MDFIC2: variants seen among roughly 807,000 people sequenced by gnomAD.
MDFIC2 encodes the protein MyoD family inhibitor domain containing 2.
intron 2 of MDFIC2, among the ~76,000 whole-genome samples, chr3:70,236,168 A>C (rs1206591073): frequency 6.6e-6 from 1 of 152,212 alleles, no homozygotes; most frequent in East Asian, 1.9e-4. Flanking sequence ...TCTCCTTCGC[A>C]TAGATGACTG....
chr3:70,249,518 A>C (rs1185189205), intron 2 of MDFIC2: 1 of 152,144 alleles, frequency 6.6e-6, no homozygotes, highest in Admixed American at 6.6e-5. Flanking sequence ...CTGATTAATC[A>C]TCCTTTCCCC....
chr3:70,209,392 C>T (rs928882952), intron 2 of MDFIC2, among the ~76,000 whole-genome samples: 5 of 152,096 alleles, frequency 3.3e-5, no homozygotes, highest in Admixed American at 6.6e-5. Context: ...CACACGAACA[C>T]ACACAGAGTG....
intron 2 of MDFIC2, among the ~76,000 whole-genome samples, chr3:70,298,490 A>T (rs1702313332): frequency 6.6e-6 from 1 of 152,148 alleles, no homozygotes; most frequent in Admixed American, 6.6e-5. Flanking sequence ...ATAAATATGA[A>T]TGAAGCAATA....
intron 2 of MDFIC2, among the ~76,000 whole-genome samples, chr3:70,306,404 C>A (rs1702400763): frequency 6.6e-6 from 1 of 152,188 alleles, no homozygotes; most frequent in Non-Finnish European, 1.5e-5. Context: ...AGCTACCTCA[C>A]CCGGCCAATA....
chr3:70,285,110 G>T (rs1276228193), intron 2 of MDFIC2, among the ~76,000 whole-genome samples: 9 of 149,488 alleles, frequency 6.0e-5, no homozygotes, highest in Non-Finnish European at 1.0e-4. Flanking sequence ...ACATTGTGCA[G>T]GTTAGTTACA....
rs1701156559 is a variant in MDFIC2, at chr3:70,194,523, G to T, written c.*2403C>A. On this transcript the variant is annotated 3_prime_UTR_variant, in exon 4 of 4. Transcript: ENST00000567252. The stretch of plus-strand genomic sequence containing the variant: ...GTTTTATTATTGGTTATAAAGAAAA[G>T]AAATTTCACACTTTGTATAACCGAC... 6.6e-6 allele frequency among the ~76,000 whole-genome samples: 1 copy of T among 152,172 alleles called. No homozygotes were observed. The highest frequency in any genetic ancestry group is 2.4e-5 in the African/African-American group (1 of 41,446).
intron 2 of MDFIC2, among the ~76,000 whole-genome samples, chr3:70,223,895 C>G (rs1346049452): frequency 6.6e-6 from 1 of 152,052 alleles, no homozygotes; most frequent in Non-Finnish European, 1.5e-5. Flanking sequence ...TCTTACTCTG[C>G]TTCATCAATC....
At chr3:70,306,982 T>A (rs888566981) in intron 2 of MDFIC2, among the ~76,000 whole-genome samples, 5 of 152,112 alleles carry the variant, frequency 3.3e-5, no homozygotes, top group African/African-American at 1.2e-4. Context: ...TGTGTATATA[T>A]TTATATATAT....
intron 3 of MDFIC2, among the ~76,000 whole-genome samples, chr3:70,199,123 G>A (rs1015450525): frequency 2.2e-4 from 34 of 152,154 alleles, no homozygotes; most frequent in African/African-American, 7.7e-4. Context: ...ATAAAAATGA[G>A]TCCACTGGAT....
intron 2 of MDFIC2, among the ~76,000 whole-genome samples, chr3:70,248,364 A>C (rs1199253797): frequency 6.6e-6 from 1 of 152,088 alleles, no homozygotes; most frequent in Admixed American, 6.6e-5. Context: ...TTTGAAAAGC[A>C]TGTTATATTG....
chr3:70,206,774 A>C lies in MDFIC2; in HGVS notation c.105T>G (p.Asn35Lys). ...SWLKEDTQLTNAKHADEKPIN... is the reference protein window; with the variant it reads ...SWLKEDTQLTKAKHADEKPIN... ...TGGGTTTCTCATCTGCATGCTTTGCATTCGTGAGTTGCGTATCTAGAGGAA... is the reference window on the plus strand; with the variant it reads ...TGGGTTTCTCATCTGCATGCTTTGCCTTCGTGAGTTGCGTATCTAGAGGAA... The change falls in exon 3 of 4, where the codon AAT (asparagine) becomes AAG (lysine). Residue 35 changes from asparagine (N) to lysine (K), a missense_variant. Coordinates refer to ENST00000567252, the MANE Select transcript of MDFIC2 (RefSeq NM_001364677.1). The C allele has an allele frequency of 2.5e-6, 1 of 397,710 alleles. No individual in the cohort carries two copies. Among genetic ancestry groups the C allele is most frequent in the Non-Finnish European group, 4.4e-6 (1 of 225,424 alleles). The allele number at this position is 397,710 out of a possible 1,614,324, so 24.6% of individuals were successfully genotyped here.
intron 2 of MDFIC2, among the ~76,000 whole-genome samples, chr3:70,218,705 G>C (rs1701436226): frequency 6.6e-6 from 1 of 152,034 alleles, no homozygotes; most frequent in Admixed American, 6.6e-5. Context: ...GCATATTTAT[G>C]TCACTTAAAG....
intron 2 of MDFIC2, among the ~76,000 whole-genome samples, chr3:70,215,267 G>A (rs1031566933): frequency 6.6e-6 from 1 of 152,070 alleles, no homozygotes; most frequent in Non-Finnish European, 1.5e-5. Flanking sequence ...CCGCTGGTAA[G>A]GGGCAGAGCT....
chr3:70,273,353 G>A (rs778823921), intron 2 of MDFIC2, among the ~76,000 whole-genome samples: 13 of 151,906 alleles, frequency 8.6e-5, no homozygotes, highest in South Asian at 2.1e-4. Flanking sequence ...TTTTTTCTTC[G>A]TAAAAATGAG....
rs149041863 is a variant in MDFIC2 at position 70,262,838 on chromosome 3, C to A, written c.88+49048G>T. 5.1e-3 allele frequency among the ~76,000 whole-genome samples: 782 copies of A among 152,188 alleles called. 2 individuals are homozygous for A. The highest frequency in any genetic ancestry group is 0.018 in the African/African-American group (730 of 41,526). On this transcript the variant is annotated intron_variant, in intron 2 of 3. Transcript: ENST00000567252. ...TCTCCTTCAAAACTATGTTAGATGACCTGATATTGTCCCACAGGTCAATAA... is the reference window on the plus strand; with the variant it reads ...TCTCCTTCAAAACTATGTTAGATGAACTGATATTGTCCCACAGGTCAATAA...
intron 2 of MDFIC2, among the ~76,000 whole-genome samples, chr3:70,301,896 G>A (rs1167754049): frequency 3.9e-5 from 6 of 151,992 alleles, no homozygotes; most frequent in African/African-American, 1.2e-4. Context: ...TATTTGATAC[G>A]TGAAAGAGGA....
intron 2 of MDFIC2, among the ~76,000 whole-genome samples, chr3:70,226,773 G>A (rs891546289): frequency 6.6e-6 from 1 of 150,920 alleles, no homozygotes; most frequent in Non-Finnish European, 1.5e-5. Flanking sequence ...GCAATTTCCA[G>A]GTGGCAATTA....
Position 70,290,429 on chromosome 3 carries a change from A to T in MDFIC2, c.88+21457T>A, listed in dbSNP as rs552154714. Among the ~76,000 whole-genome samples the T allele has an allele frequency of 3.6e-4, 55 of 152,316 alleles. No homozygotes were observed. The South Asian group carries it at 0.01, about 29-fold the overall frequency. On this transcript the variant is annotated intron_variant, in intron 2 of 3. Coordinates refer to ENST00000567252, the MANE Select transcript of MDFIC2 (RefSeq NM_001364677.1). ...GCAGTCTGCCCCTTCTCAGATCTCC[A>T]GCTGCGTACTGGGAGAACCACTGCT...
chr3:70,302,429 G>T (rs1419201480), intron 2 of MDFIC2, among the ~76,000 whole-genome samples: 1 of 151,812 alleles, frequency 6.6e-6, no homozygotes, highest in African/African-American at 2.4e-5. Context: ...TATTCCTGAG[G>T]CATAAAACAT....
Sources: gnomAD v4.1 joint callset for allele counts (sites outside exome capture counted in the v4.1 genomes callset) on GRCh38, gnomAD v4.1.1 for gene constraint, MANE v1.5 for transcripts, NCBI Gene and HGNC (gene_info 2026-07-23, HGNC 2026-07-21) for gene names.